Variants in RTL4 observed in about 807,000 individuals in gnomAD.
RTL4 encodes retrotransposon Gag like 4.
RTL4 carries 4 observed loss-of-function variants against 5.3 expected under a neutral mutation model. The ratio of observed to expected loss-of-function variants is 0.75; its 90% CI spans 0.37 to 1.72. The LOEUF is 1.72. RTL4 is among the 40% of genes most tolerant of loss of function. RTL4 has a pLI of 0.04. For synonymous variants in RTL4, 98 were observed against 87.3 expected (o/e 1.12, Z -0.68); for missense variants, 260 against 227.1 (o/e 1.14, Z -0.93).
At chrX:112,104,105 G>A in the RTL4 span, among the ~76,000 whole-genome samples, 16 of 111,223 alleles carry the variant, frequency 1.4e-4, no homozygotes, top group African/African-American at 4.9e-4. Context: ...TGTACTTCTC[G>A]AAGAACAAAT....
chrX:112,125,576 A>G, the RTL4 span, among the ~76,000 whole-genome samples: 1 of 111,902 alleles, frequency 8.9e-6, no homozygotes, highest in Non-Finnish European at 1.9e-5. Context: ...AATAATGACT[A>G]CAGAGCCATT....
chrX:112,279,120 TAAAG>T, the RTL4 span, among the ~76,000 whole-genome samples: 69 of 109,662 alleles, frequency 6.3e-4, no homozygotes, highest in African/African-American at 2.2e-3. Flanking sequence ...ATACAAAATT[TAAAG>T]AGAGAGAACA....
the RTL4 span, among the ~76,000 whole-genome samples, chrX:112,169,197 C>G: frequency 1.9e-5 from 2 of 108,031 alleles, no homozygotes; most frequent in African/African-American, 6.8e-5. Context: ...TCACTGCAAC[C>G]TTCGTCTCCC....
At chrX:112,262,089 C>T in the RTL4 span, among the ~76,000 whole-genome samples, 2 of 111,549 alleles carry the variant, frequency 1.8e-5, no homozygotes. Flanking sequence ...CCATAAAAAC[C>T]CTAGAAGAAA....
the RTL4 span, among the ~76,000 whole-genome samples, chrX:112,255,148 A>G: frequency 1.8e-5 from 2 of 111,754 alleles, no homozygotes; most frequent in Non-Finnish European, 3.8e-5. Flanking sequence ...TTCCATTGAA[A>G]CACCACATTT....
chrX:112,263,955 C>T, the RTL4 span, among the ~76,000 whole-genome samples: 2 of 111,584 alleles, frequency 1.8e-5, no homozygotes, highest in African/African-American at 6.5e-5. Context: ...TCATCTCACT[C>T]TTTTGGTCTA....
chrX:112,216,346 T>A, the RTL4 span, among the ~76,000 whole-genome samples: 2 of 112,155 alleles, frequency 1.8e-5, no homozygotes, highest in Admixed American at 1.9e-4. Flanking sequence ...GTGGTTTTCA[T>A]AAATGTTTTA....
the RTL4 span, among the ~76,000 whole-genome samples, chrX:112,103,296 A>G: frequency 9.1e-6 from 1 of 110,478 alleles, no homozygotes; most frequent in Admixed American, 9.6e-5. Context: ...GGGAGCCATT[A>G]TCCTCAGCAA....
chrX:112,236,766 A>G, the RTL4 span, among the ~76,000 whole-genome samples: 546 of 109,902 alleles, frequency 5.0e-3, 3 homozygotes, highest in African/African-American at 0.017. Flanking sequence ...CAGTTCACAC[A>G]AATATGTCCA....
the RTL4 span, among the ~76,000 whole-genome samples, chrX:112,217,474 A>C: frequency 1.6e-4 from 18 of 111,870 alleles, no homozygotes; most frequent in African/African-American, 5.8e-4. Flanking sequence ...TCCAGAAATC[A>C]CCTGGGCTCC....
chrX:112,423,716 T>C, the RTL4 span, among the ~76,000 whole-genome samples: 21 of 111,722 alleles, frequency 1.9e-4, no homozygotes, highest in African/African-American at 6.2e-4. Context: ...CACAAGGATG[T>C]CTCATGAGCT....
At chrX:112,175,554 G>A in the RTL4 span, among the ~76,000 whole-genome samples, 1 of 108,694 alleles carries the variant, frequency 9.2e-6, no homozygotes, top group Admixed American at 1.0e-4. Flanking sequence ...GATTGACTTG[G>A]CAATGCGGGC....
At chrX:112,132,103 C>G in the RTL4 span, among the ~76,000 whole-genome samples, 1 of 111,700 alleles carries the variant, frequency 9.0e-6, no homozygotes, top group South Asian at 3.8e-4. Context: ...CAGGTTACCT[C>G]TATATGATAC....
chrX:112,242,560 T>C, the RTL4 span, among the ~76,000 whole-genome samples: 2 of 112,173 alleles, frequency 1.8e-5, no homozygotes, highest in Admixed American at 1.9e-4. Flanking sequence ...TCCTGAGTCT[T>C]TGCTGAAGTT....
At chrX:112,119,247 GTCTT>G in the RTL4 span, among the ~76,000 whole-genome samples, 1 of 110,607 alleles carries the variant, frequency 9.0e-6, no homozygotes, top group Admixed American at 9.7e-5. Flanking sequence ...GAGAGGTAAA[GTCTT>G]TAGTTTTGGA....
At chrX:112,404,920 C>CA in the RTL4 span, among the ~76,000 whole-genome samples, 1 of 112,071 alleles carries the variant, frequency 8.9e-6, no homozygotes, top group South Asian at 3.7e-4. Flanking sequence ...CTTTTTGCGT[C>CA]AAAATCACCC....
chrX:112,195,992 C>A, the RTL4 span, among the ~76,000 whole-genome samples: 1 of 111,493 alleles, frequency 9.0e-6, no homozygotes. Context: ...CTAACGCACT[C>A]TTTACCCATT....
chrX:112,419,609 A>ATGTG, the RTL4 span, among the ~76,000 whole-genome samples: 8 of 20,070 alleles, frequency 4.0e-4, no homozygotes, highest in South Asian at 3.6e-3. Context: ...ACATATGTAT[A>ATGTG]TGTATATATA....
the RTL4 span, among the ~76,000 whole-genome samples, chrX:112,127,807 TAATTC>T: frequency 1.8e-5 from 2 of 111,545 alleles, no homozygotes. Flanking sequence ...TTTAAGAAAA[TAATTC>T]AATTTATAAC....
Sources: gnomAD v4.1 joint callset for allele counts (sites outside exome capture counted in the v4.1 genomes callset) on GRCh38, gnomAD v4.1.1 for gene constraint, MANE v1.5 for transcripts, NCBI Gene and HGNC (gene_info 2026-07-23, HGNC 2026-07-21) for gene names.